LAMC3: variants seen among roughly 807,000 people sequenced by gnomAD.
LAMC3 encodes the protein laminin subunit gamma-3.
LAMC3 carries 128 observed loss-of-function variants against 173.8 expected under a neutral mutation model. The observed-to-expected ratio is 0.74, with a 90% CI of 0.64 to 0.85. LAMC3 has a LOEUF of 0.85. LAMC3 is among the 40% of genes least tolerant of loss of function. The probability of loss-of-function intolerance (pLI) is 0.00; values close to 1 mark genes in which losing one functional copy is unlikely to be tolerated. For synonymous variants in LAMC3, 897 were observed against 909.1 expected (o/e 0.99, Z 0.24); for missense variants, 2,022 against 2,156.0 (o/e 0.94, Z 1.23).
Position 131,026,286 on chromosome 9 carries a change from G to A in LAMC3, c.375G>A (p.Gly125=), listed in dbSNP as rs762019653. The stretch of plus-strand genomic sequence containing the variant: ...TGGGCCCCGTTTTCCTGGCTGCAGG[G>A]AAGGCTTATGAGATCACGTATGTGA... ...PTSVNITLRL[G]KAYEITYVRL... is the part of the protein sequence containing the mutation. Residue 125 remains glycine, a splice_region_variant and synonymous_variant, in exon 2 of 28, where the codon GGG becomes GGA. Coordinates refer to ENST00000361069, the MANE Select transcript of LAMC3 (RefSeq NM_006059.4). The surrounding 1 kb of genome is among the most constrained non-coding windows in gnomAD (Gnocchi z 4.8). 2 of 1,614,082 alleles carry A rather than the reference G, an allele frequency of 1.2e-6. No homozygotes were observed. The highest frequency in any genetic ancestry group is 1.1e-5 in the South Asian group (1 of 91,084).
intron 1 of LAMC3, among the ~76,000 whole-genome samples, chr9:131,020,090 T>G (rs1833600217): frequency 6.6e-6 from 1 of 152,212 alleles, no homozygotes; most frequent in South Asian, 2.1e-4. Context: ...AGCCCTATAA[T>G]TGGAGCCATC....
chr9:131,057,715 T>G (rs1172635183), intron 12 of LAMC3, among the ~76,000 whole-genome samples: 2 of 152,196 alleles, frequency 1.3e-5, no homozygotes, highest in Non-Finnish European at 2.9e-5. Context: ...ATACACTGCT[T>G]CTGTTTCTAC....
chr9:131,033,036 G>A (rs1233494378), intron 3 of LAMC3, among the ~76,000 whole-genome samples: 4 of 151,314 alleles, frequency 2.6e-5, no homozygotes, highest in Admixed American at 6.6e-5. Context: ...TCCTGGTCCT[G>A]GTCCTGGTCC....
chr9:131,057,886 A>G (rs2133292419), intron 12 of LAMC3, among the ~76,000 whole-genome samples: 1 of 152,218 alleles, frequency 6.6e-6, no homozygotes, highest in Non-Finnish European at 1.5e-5. Context: ...TAGTGTCACC[A>G]GGTTCCTGCA....
chr9:131,057,623 C>T (rs1411579550), intron 12 of LAMC3, among the ~76,000 whole-genome samples: 2 of 152,190 alleles, frequency 1.3e-5, no homozygotes, highest in Non-Finnish European at 2.9e-5. Context: ...ACCTGCCACC[C>T]TCACCCCTTA....
chr9:131,046,518 ATTTTTTTTTTT>A (rs71501242), intron 8 of LAMC3, among the ~76,000 whole-genome samples: 6 of 49,164 alleles, frequency 1.2e-4, no homozygotes, highest in Non-Finnish European at 1.8e-4. Flanking sequence ...TAATTTTTGT[ATTTTTTTTTTT>A]TTTTTTTTTT....
At chr9:131,085,827 C>G in intron 25 of LAMC3, 104 bp downstream of exon 25, 2 of 1,110,124 alleles carry the variant, frequency 1.8e-6, no homozygotes, top group Admixed American at 3.9e-5. Flanking sequence ...CGCACTCACT[C>G]ACTGCTCAGT....
chr9:131,049,262 GTC>G (rs1834237493), intron 9 of LAMC3, 132 bp downstream of exon 9: 1 of 705,228 alleles, frequency 1.4e-6, no homozygotes, highest in African/African-American at 1.8e-5. Context: ...TCAGAAATAG[GTC>G]TCTCGGAGCT....
At chr9:131,036,454 G>T (rs1833947547) in intron 4 of LAMC3, 122 bp downstream of exon 4, 8 of 1,078,228 alleles carry the variant, frequency 7.4e-6, no homozygotes, top group Admixed American at 2.0e-5. Context: ...GCAGCTCGGG[G>T]TCTCTGTGCT....
chr9:131,042,971 C>A (rs1395370263), intron 7 of LAMC3, among the ~76,000 whole-genome samples: 2 of 149,438 alleles, frequency 1.3e-5, no homozygotes, highest in Non-Finnish European at 2.9e-5. Context: ...ATACCCATGG[C>A]AGACATCACT....
chr9:131,085,467 G>A, intron 24 of LAMC3, 57 bp from the exon 25 acceptor site: 1 of 1,589,278 alleles, frequency 6.3e-7, no homozygotes, highest in Non-Finnish European at 8.6e-7. Context: ...CGGCTGCCTG[G>A]GAGGCACCGG....
rs1413184671 is a variant in LAMC3 at position 131,062,107 on chromosome 9, A to T, written c.2347+884A>T. Among the ~76,000 whole-genome samples, 11 of 152,244 alleles carry T rather than the reference A, an allele frequency of 7.2e-5. No individual in the cohort carries two copies. The East Asian group carries it at 2.1e-3, about 29-fold the overall frequency. ...GCCGGGCATGGTGACTCATGCCTGT[A>T]ATCCCAGCACTTTGGGAGGCTGAAG... On this transcript the variant is annotated intron_variant, in intron 13 of 27. Coordinates refer to ENST00000361069, the MANE Select transcript of LAMC3 (RefSeq NM_006059.4).
intron 1 of LAMC3, among the ~76,000 whole-genome samples, chr9:131,017,759 T>C (rs1301411549): frequency 1.5e-5 from 2 of 135,054 alleles, no homozygotes; most frequent in Non-Finnish European, 3.1e-5. Context: ...GGTGCAGTAG[T>C]TCACACCTGT....
At chr9:131,090,340 TGG>T (rs1830403336) in intron 27 of LAMC3, among the ~76,000 whole-genome samples, 1 of 152,230 alleles carries the variant, frequency 6.6e-6, no homozygotes, top group Non-Finnish European at 1.5e-5. Flanking sequence ...AGCACACGCC[TGG>T]CCCCTTCTCC....
At chr9:131,088,934 A>T (rs1003133954) in intron 27 of LAMC3, among the ~76,000 whole-genome samples, 1 of 152,002 alleles carries the variant, frequency 6.6e-6, no homozygotes, top group Non-Finnish European at 1.5e-5. Flanking sequence ...ATATAAAAAA[A>T]ATTAGCCAGG....
chr9:131,075,764 G>T, intron 20 of LAMC3, 67 bp from the exon 21 acceptor site: 1 of 1,537,808 alleles, frequency 6.5e-7, no homozygotes, highest in Admixed American at 1.9e-5. Context: ...AGTAGGGGGC[G>T]TAGTTCTGAT....
At chr9:131,053,561 G>A (rs772429497) in intron 11 of LAMC3, among the ~76,000 whole-genome samples, 9 of 152,146 alleles carry the variant, frequency 5.9e-5, no homozygotes, top group Non-Finnish European at 1.3e-4. Flanking sequence ...TAGGTCGGGC[G>A]CAGAAGCTCA....
Position 131,091,517 on chromosome 9 carries a change from CTGTT to C in LAMC3, c.4478-16_4478-13del. 6.4e-7 allele frequency: 1 copy of C among 1,567,620 alleles called. No homozygotes were observed. Among genetic ancestry groups the C allele is most frequent in the Middle Eastern group, 2.2e-4 (1 of 4,504 alleles). On this transcript the variant is annotated splice_polypyrimidine_tract_variant and intron_variant, in intron 27 of 27. Coordinates refer to ENST00000361069, the MANE Select transcript of LAMC3 (RefSeq NM_006059.4). ...GCAGGGCTGCTGGCTCACAGTGAGGCTGTTTGTGCCCCACCACAGGGTCGCTGGA... is the reference window on the plus strand; with the variant it reads ...GCAGGGCTGCTGGCTCACAGTGAGGCTGTGCCCCACCACAGGGTCGCTGGA...
intron 3 of LAMC3, among the ~76,000 whole-genome samples, chr9:131,032,807 T>G (rs1833868087): frequency 6.6e-6 from 1 of 152,222 alleles, no homozygotes. Context: ...TAGCTGGGAT[T>G]ACAGGCATGC....
Sources: gnomAD v4.1 joint callset for allele counts (sites outside exome capture counted in the v4.1 genomes callset) on GRCh38, gnomAD v4.1.1 for gene constraint, Gnocchi (gnomAD v3.1) non-coding constraint, MANE v1.5 for transcripts, NCBI Gene and HGNC (gene_info 2026-07-23, HGNC 2026-07-21) for gene names.